TBC1D16: variants seen among roughly 807,000 people sequenced by gnomAD.
TBC1D16 encodes the protein CTD-2529O21.1.
Under a neutral mutation model 74.7 loss-of-function variants are expected in TBC1D16, and 58 were observed. That is an observed-to-expected ratio of 0.78 (90% CI 0.63 to 0.97). TBC1D16 has a LOEUF of 0.97. Ranked by LOEUF, TBC1D16 falls within the 50% of genes least tolerant of loss-of-function variation. The pLI is 0.00. For synonymous variants in TBC1D16, 493 were observed against 474.7 expected, an observed-to-expected ratio of 1.04 and a Z score of -0.50; for missense variants, 1,014 against 1,079.5, an observed-to-expected ratio of 0.94 and a Z score of 0.85.
At chr17:79,995,653 T>C (rs1013135960) in intron 3 of TBC1D16, among the ~76,000 whole-genome samples, 6 of 149,186 alleles carry the variant, frequency 4.0e-5, no homozygotes, top group East Asian at 2.0e-4. Flanking sequence ...GGCGTGGTGG[T>C]GGGCGCCTGT....
rs565651550 is a variant in TBC1D16, at chr17:79,938,213, G to A, written c.*2646C>T. 3.9e-5 allele frequency: 6 copies of A among 152,324 alleles called. No individual in the cohort carries two copies. The highest frequency in any genetic ancestry group is 2.1e-4 in the South Asian group (1 of 4,828). The allele number at this position is 152,324 out of a possible 1,614,324, so 9.4% of individuals were successfully genotyped here. On this transcript the variant is annotated 3_prime_UTR_variant, in exon 12 of 12. Coordinates refer to ENST00000310924, the MANE Select transcript of TBC1D16 (RefSeq NM_019020.4). ...GAGGGGCGGGGCTTCTCCATCCCCCGCGGAGCAGCGTCTCCTCCGCCAAGC... is the reference window on the plus strand; with the variant it reads ...GAGGGGCGGGGCTTCTCCATCCCCCACGGAGCAGCGTCTCCTCCGCCAAGC...
At chr17:79,967,804 T>C (rs184923272) in intron 3 of TBC1D16, among the ~76,000 whole-genome samples, 1 of 152,160 alleles carries the variant, frequency 6.6e-6, no homozygotes, top group Non-Finnish European at 1.5e-5. Context: ...CATTGAAAAA[T>C]TAGGACTCAC....
rs1262972798 is a variant in TBC1D16, at chr17:79,994,267, G to C, written c.779+15893C>G. ...GGACATACCTGGCTGGTGACTTCTA[G>C]AATCCCAGCTCAGGGCCGGGGGGGT... On this transcript the variant is annotated intron_variant, in intron 3 of 11. Coordinates refer to ENST00000310924, the MANE Select transcript of TBC1D16 (RefSeq NM_019020.4). This position sits in a 1 kb window ranked among gnomAD's most constrained non-coding sequence, Gnocchi z 4.6. 1.3e-5 allele frequency among the ~76,000 whole-genome samples: 2 copies of C among 151,756 alleles called. No homozygotes were observed.
intron 1 of TBC1D16, among the ~76,000 whole-genome samples, chr17:80,025,100 A>AC (rs1568649890): frequency 1.3e-5 from 1 of 77,384 alleles, no homozygotes; most frequent in Non-Finnish European, 2.5e-5. Flanking sequence ...CACACACACC[A>AC]TATACACACA....
intron 10 of TBC1D16, among the ~76,000 whole-genome samples, chr17:79,943,616 C>T (rs933080579): frequency 1.3e-4 from 19 of 144,188 alleles, no homozygotes; most frequent in Middle Eastern, 3.3e-3. Flanking sequence ...ATGGGACCGA[C>T]CGTGGCTAAA....
intron 9 of TBC1D16, among the ~76,000 whole-genome samples, chr17:79,945,400 A>C (rs1598320341): frequency 6.6e-6 from 1 of 151,956 alleles, no homozygotes; most frequent in South Asian, 2.1e-4. Context: ...AAGGCTCCCC[A>C]CCCTCAGTGC....
chr17:79,998,976 CTG>C (rs2035380344), intron 3 of TBC1D16, among the ~76,000 whole-genome samples: 1 of 152,066 alleles, frequency 6.6e-6, no homozygotes, highest in Non-Finnish European at 1.5e-5. Flanking sequence ...GTGAATGGGG[CTG>C]GGCGCGGTGG....
Position 79,950,368 on chromosome 17 carries a change from G to T in TBC1D16, c.1257+43C>A, listed in dbSNP as rs1389962193. The stretch of plus-strand genomic sequence containing the variant: ...TCCCTCTCGCTCGTTCCCGGTTCCC[G>T]GCCGGCTCTCCGCGGGGCCAGCTGG... On this transcript the variant is annotated intron_variant, in intron 6 of 11. Coordinates refer to ENST00000310924, the MANE Select transcript of TBC1D16 (RefSeq NM_019020.4). This position sits in a 1 kb window ranked among gnomAD's most constrained non-coding sequence, Gnocchi z 4.6. 8 of 1,544,810 alleles carry T rather than the reference G, an allele frequency of 5.2e-6. No homozygotes were observed. The highest frequency in any genetic ancestry group is 7.0e-6 in the Non-Finnish European group (8 of 1,147,906).
chr17:79,983,103 G>C lies in TBC1D16; in HGVS notation c.779+27057C>G, dbSNP rs1255553205. Among the ~76,000 whole-genome samples, 3 of 152,208 alleles carry C rather than the reference G, an allele frequency of 2.0e-5. No homozygotes were observed. The East Asian group carries it at 5.8e-4, about 29-fold the overall frequency. On this transcript the variant is annotated intron_variant, in intron 3 of 11. Coordinates refer to ENST00000310924, the MANE Select transcript of TBC1D16 (RefSeq NM_019020.4). The surrounding 1 kb of genome is among the most constrained non-coding windows in gnomAD (Gnocchi z 5.6). ...TCATCAAGGACAAGCGGGAAGCCGGGAACAGCTCCATGTCCATGGAAGGGG... is the reference window on the plus strand; with the variant it reads ...TCATCAAGGACAAGCGGGAAGCCGGCAACAGCTCCATGTCCATGGAAGGGG...
intron 1 of TBC1D16, among the ~76,000 whole-genome samples, chr17:80,023,368 C>T (rs946131006): frequency 6.0e-5 from 9 of 149,868 alleles, no homozygotes; most frequent in Non-Finnish European, 1.2e-4. Context: ...GGACAGTACC[C>T]GGGCAGCCAC....
intron 3 of TBC1D16, among the ~76,000 whole-genome samples, chr17:79,959,718 A>G (rs1360509778): frequency 6.6e-6 from 1 of 152,326 alleles, no homozygotes; most frequent in East Asian, 1.9e-4. Flanking sequence ...ATTAACTCAA[A>G]ACGGATCACG....
At chr17:79,977,806 C>T (rs1167802825) in intron 3 of TBC1D16, among the ~76,000 whole-genome samples, 2 of 152,254 alleles carry the variant, frequency 1.3e-5, no homozygotes, top group Non-Finnish European at 1.5e-5. Flanking sequence ...CAGAGGCAGC[C>T]AGACCCAGCT....
Position 79,952,789 on chromosome 17 carries a change from C to A in TBC1D16, c.809G>T (p.Arg270Leu). The change falls in exon 4 of 12, where the codon CGG (arginine) becomes CTG (leucine). Residue 270 changes from arginine (R) to leucine (L), a missense_variant. Coordinates refer to ENST00000310924, the MANE Select transcript of TBC1D16 (RefSeq NM_019020.4). ...CAGGAGGCCGTTGCTGTCCGGGAAC[C>A]GCAGGCCGGCGTCGGAGCTGGACGG... is the stretch of plus-strand genomic sequence containing the variant. ...SPPSSSDAGL[R>L]FPDSNGLLQT... is the part of the protein sequence containing the mutation. The A allele has an allele frequency of 6.2e-7, 1 of 1,610,922 alleles. No individual in the cohort carries two copies. The highest frequency in any genetic ancestry group is 2.2e-5 in the East Asian group (1 of 44,818).
intron 3 of TBC1D16, among the ~76,000 whole-genome samples, chr17:79,974,093 A>G (rs958504567): frequency 2.6e-5 from 4 of 152,334 alleles, no homozygotes; most frequent in African/African-American, 9.6e-5. Context: ...TGACTTGAAC[A>G]CAAGCACTGA....
rs2034544836 is a variant in TBC1D16 at position 79,980,726 on chromosome 17, C to A, written c.780-27908G>T. Reference sequence around the variant, plus strand: ...AGCCCCCCAGGGTTCACTCGAACCGCCTCCGCGCACCCCAACAGCAGAGAC... The same window carrying A: ...AGCCCCCCAGGGTTCACTCGAACCGACTCCGCGCACCCCAACAGCAGAGAC... On this transcript the variant is annotated intron_variant, in intron 3 of 11. Coordinates refer to ENST00000310924, the MANE Select transcript of TBC1D16 (RefSeq NM_019020.4). The surrounding 1 kb of genome is among the most constrained non-coding windows in gnomAD (Gnocchi z 7.0). 1.3e-5 allele frequency among the ~76,000 whole-genome samples: 2 copies of A among 152,230 alleles called. No individual in the cohort carries two copies. The highest frequency in any genetic ancestry group is 4.8e-5 in the African/African-American group (2 of 41,466).
At chr17:80,018,075 G>A (rs1303475103) in intron 1 of TBC1D16, among the ~76,000 whole-genome samples, 1 of 151,510 alleles carries the variant, frequency 6.6e-6, no homozygotes, top group African/African-American at 2.4e-5. Context: ...TGCAAGGTCA[G>A]TTAATAAGCC....
chr17:80,034,515 CCATAAAAACTTTCGT>C (rs1395990227), intron 1 of TBC1D16, among the ~76,000 whole-genome samples: 2 of 152,136 alleles, frequency 1.3e-5, no homozygotes, highest in Admixed American at 6.5e-5. Flanking sequence ...AAAACTTTCG[CCATAAAAACTTTCGT>C]TAGCCATAGT....
At chr17:80,034,432 C>T (rs1291369355) in intron 1 of TBC1D16, among the ~76,000 whole-genome samples, 2 of 152,100 alleles carry the variant, frequency 1.3e-5, no homozygotes. Context: ...GAACTCCTGA[C>T]CTCAGGTGAT....
rs1598344948 is a variant in TBC1D16 at position 79,955,407 on chromosome 17, A to G, written c.780-2589T>C. On this transcript the variant is annotated intron_variant, in intron 3 of 11. Coordinates refer to ENST00000310924, the MANE Select transcript of TBC1D16 (RefSeq NM_019020.4). Reference sequence around the variant, plus strand: ...GGCGCAGAACACACAGACATTTAATACTCATGCCTGAAGTGAAAATGTAAA... The same window carrying G: ...GGCGCAGAACACACAGACATTTAATGCTCATGCCTGAAGTGAAAATGTAAA... 2.6e-5 allele frequency among the ~76,000 whole-genome samples: 4 copies of G among 152,222 alleles called. 1 individual carries two copies. The highest frequency in any genetic ancestry group is 2.6e-4 in the Admixed American group (4 of 15,296).
Sources: allele counts gnomAD v4.1 joint callset (sites outside exome capture counted in the v4.1 genomes callset), GRCh38; gene constraint gnomAD v4.1.1; non-coding constraint Gnocchi (gnomAD v3.1); transcripts MANE v1.5; gene names NCBI Gene and HGNC (gene_info 2026-07-23, HGNC 2026-07-21).